The following NEGR1 variants were observed in gnomAD, a reference collection of about 807,000 sequenced individuals.
The protein encoded by NEGR1 is IgLON family member 4.
Under a neutral mutation model 40.9 loss-of-function variants are expected in NEGR1, and 10 were observed. That is an observed-to-expected ratio of 0.24 (90% CI 0.15 to 0.42). NEGR1 has a LOEUF of 0.42. NEGR1 is among the 10% of genes least tolerant of loss of function. The pLI, the probability that NEGR1 is intolerant of heterozygous loss-of-function variation, is 1.00. For synonymous variants in NEGR1, 185 were observed against 166.8 expected, an observed-to-expected ratio of 1.11 and a Z score of -0.84; for missense variants, 352 against 438.9, an observed-to-expected ratio of 0.80 and a Z score of 1.77.
chr1:71,854,470 A>T (rs1024924070), intron 2 of NEGR1, among the ~76,000 whole-genome samples: 1 of 152,078 alleles, frequency 6.6e-6, no homozygotes, highest in Non-Finnish European at 1.5e-5. Flanking sequence ...GATATTTTTT[A>T]AAAAAACAGA....
rs1652784032 is a variant in NEGR1, at chr1:71,680,049, A to AT, written c.667+17958dup. Among the ~76,000 whole-genome samples, 4 of 152,106 alleles carry AT rather than the reference A, an allele frequency of 2.6e-5. No homozygotes were observed. In the South Asian group the frequency reaches 8.3e-4, roughly 32 times the overall value. On this transcript the variant is annotated intron_variant, in intron 4 of 6. Transcript: ENST00000357731. ...TATCTTGTTTAGAATCTTTGAATCAATTTTTTAATGAATTTGGTCTATAAT... is the reference window on the plus strand; with the variant it reads ...TATCTTGTTTAGAATCTTTGAATCAATTTTTTTAATGAATTTGGTCTATAAT...
At chr1:72,023,912 TCA>T (rs1399156610) in intron 1 of NEGR1, among the ~76,000 whole-genome samples, 2 of 152,088 alleles carry the variant, frequency 1.3e-5, no homozygotes, top group Non-Finnish European at 1.5e-5. Context: ...AAAAGAATAA[TCA>T]CAGTTATAGA....
intron 6 of NEGR1, chr1:71,486,502 G>A (rs924253306): frequency 1.3e-5 from 2 of 151,366 alleles, no homozygotes; most frequent in African/African-American, 4.8e-5. Flanking sequence ...CCTAGCTGAT[G>A]GTTCACTTAT....
intron 1 of NEGR1, among the ~76,000 whole-genome samples, chr1:72,086,688 G>A (rs1169556470): frequency 6.6e-6 from 1 of 152,062 alleles, no homozygotes; most frequent in African/African-American, 2.4e-5. Flanking sequence ...TGTTGTTCCG[G>A]TTGATCTGAT....
At chr1:72,029,631 G>A (rs1386916684) in intron 1 of NEGR1, among the ~76,000 whole-genome samples, 1 of 152,152 alleles carries the variant, frequency 6.6e-6, no homozygotes, top group Non-Finnish European at 1.5e-5. Flanking sequence ...AAAACAATGT[G>A]CTGAATTGAA....
chr1:72,139,596 A>G (rs975089205), intron 1 of NEGR1, among the ~76,000 whole-genome samples: 2 of 152,056 alleles, frequency 1.3e-5, no homozygotes, highest in Admixed American at 6.6e-5. Flanking sequence ...TAGGCAGACA[A>G]CCTGAATATC....
intron 1 of NEGR1, among the ~76,000 whole-genome samples, chr1:72,135,993 T>C (rs546957967): frequency 6.6e-6 from 1 of 152,244 alleles, no homozygotes; most frequent in East Asian, 1.9e-4. Flanking sequence ...TAAAAGATGG[T>C]AAATGATGAA....
At chr1:72,062,258 A>C (rs979991128) in intron 1 of NEGR1, among the ~76,000 whole-genome samples, 4 of 151,706 alleles carry the variant, frequency 2.6e-5, no homozygotes, top group Non-Finnish European at 5.9e-5. Flanking sequence ...CCTTTCTTCA[A>C]TTGGTAAGCT....
chr1:71,625,583 C>A (rs1437224224), intron 4 of NEGR1, among the ~76,000 whole-genome samples: 1 of 151,488 alleles, frequency 6.6e-6, no homozygotes, highest in Non-Finnish European at 1.5e-5. Context: ...ATTTTTATAT[C>A]CTTGAGGAGA....
rs570756409 is a variant in NEGR1 at position 71,453,855 on chromosome 1, G to A, written c.941-46285C>T. The stretch of plus-strand genomic sequence containing the variant: ...TCACTGATGGGGAACAGTACTAAAT[G>A]GAGAAAGCCCTACACTCAGTAGTCA... On this transcript the variant is annotated intron_variant, in intron 6 of 6. Coordinates refer to ENST00000357731, the MANE Select transcript of NEGR1 (RefSeq NM_173808.3). 2.6e-5 allele frequency among the ~76,000 whole-genome samples: 4 copies of A among 152,140 alleles called. No individual in the cohort carries two copies. The East Asian group carries it at 7.8e-4, about 30-fold the overall frequency.
chr1:72,116,473 C>T (rs760110674), intron 1 of NEGR1, among the ~76,000 whole-genome samples: 4 of 151,598 alleles, frequency 2.6e-5, no homozygotes, highest in Admixed American at 6.6e-5. Flanking sequence ...TAGTCATATG[C>T]GGACTTCATG....
At chr1:71,415,524 A>T (rs1646349593) in intron 6 of NEGR1, among the ~76,000 whole-genome samples, 1 of 152,158 alleles carries the variant, frequency 6.6e-6, no homozygotes, top group Non-Finnish European at 1.5e-5. Flanking sequence ...CTATTTGTAG[A>T]TAAATGCTTT....
At chr1:71,912,151 C>A (rs1388760182) in intron 2 of NEGR1, among the ~76,000 whole-genome samples, 1 of 152,112 alleles carries the variant, frequency 6.6e-6, no homozygotes, top group Non-Finnish European at 1.5e-5. Context: ...CAATAGTAGT[C>A]CTACAGGGCG....
intron 1 of NEGR1, among the ~76,000 whole-genome samples, chr1:72,122,394 G>A (rs1649836659): frequency 1.3e-5 from 2 of 151,802 alleles, no homozygotes; most frequent in African/African-American, 4.8e-5. Flanking sequence ...ACAAATACGC[G>A]ATTTCATATT....
intron 1 of NEGR1, among the ~76,000 whole-genome samples, chr1:72,072,195 C>A (rs1647494275): frequency 6.6e-6 from 1 of 152,004 alleles, no homozygotes; most frequent in Admixed American, 6.6e-5. Flanking sequence ...CTTTTGTAAT[C>A]CTATTATATT....
intron 4 of NEGR1, among the ~76,000 whole-genome samples, chr1:71,645,304 G>C (rs182033765): frequency 3.1e-4 from 47 of 151,974 alleles, no homozygotes; most frequent in African/African-American, 1.0e-3. Flanking sequence ...TTGACTGTTA[G>C]GTAAATAAAA....
intron 2 of NEGR1, among the ~76,000 whole-genome samples, chr1:71,902,434 T>C (rs1385986622): frequency 6.6e-6 from 1 of 152,216 alleles, no homozygotes; most frequent in African/African-American, 2.4e-5. Flanking sequence ...TAATTCATTT[T>C]CACTTACAAT....
At chr1:71,484,584 C>T (rs887529658) in intron 6 of NEGR1, among the ~76,000 whole-genome samples, 4 of 151,644 alleles carry the variant, frequency 2.6e-5, no homozygotes, top group African/African-American at 9.7e-5. Context: ...TTTAATTTAA[C>T]GAATATTACC....
chr1:71,710,583 G>A (rs1007382599), intron 3 of NEGR1, among the ~76,000 whole-genome samples: 1 of 152,162 alleles, frequency 6.6e-6, no homozygotes, highest in Non-Finnish European at 1.5e-5. Flanking sequence ...CAACATGGAT[G>A]GAACTGGAGG....
Sources: allele counts gnomAD v4.1 joint callset (sites outside exome capture counted in the v4.1 genomes callset), GRCh38; gene constraint gnomAD v4.1.1; transcripts MANE v1.5; gene names NCBI Gene and HGNC (gene_info 2026-07-23, HGNC 2026-07-21).